B3GALT1: variants seen among roughly 807,000 people sequenced by gnomAD.
The protein encoded by B3GALT1 is UDP-Gal:betaGlcNAc beta 1,3-galactosyltransferase, polypeptide 1.
A neutral mutation model predicts 23.2 loss-of-function variants in B3GALT1; 10 were observed. That is an observed-to-expected ratio of 0.43 (90% CI 0.27 to 0.73). The LOEUF is 0.73. Among genes scored for constraint, B3GALT1 ranks in the 30% least tolerant of loss-of-function variants. B3GALT1 has a pLI of 0.21. For missense variants in B3GALT1, 299 were observed against 405.4 expected (o/e 0.74, Z 2.25); for synonymous variants, 156 against 141.5 (o/e 1.10, Z -0.73).
At chr2:167,818,160 G>A (rs1689034582) in intron 3 of B3GALT1, among the ~76,000 whole-genome samples, 1 of 152,170 alleles carries the variant, frequency 6.6e-6, no homozygotes. Flanking sequence ...TCTGACCTGT[G>A]CAGTTTTGTT....
At chr2:167,462,270 G>A (rs1406464272) in intron 1 of B3GALT1, among the ~76,000 whole-genome samples, 1 of 152,030 alleles carries the variant, frequency 6.6e-6, no homozygotes, top group East Asian at 1.9e-4. Flanking sequence ...TGTCTTACAA[G>A]CTTCCTGAGA....
At chr2:167,707,311 A>T (rs970678384) in intron 3 of B3GALT1, among the ~76,000 whole-genome samples, 2 of 152,126 alleles carry the variant, frequency 1.3e-5, no homozygotes, top group Admixed American at 6.5e-5. Flanking sequence ...GGGGTGGTTT[A>T]TTATGTAGCA....
chr2:167,676,516 TACACACACAC>T lies in B3GALT1; in HGVS notation c.-352+29580_-352+29589del, dbSNP rs34764364. ...ACACATGCACACACGTGTATGTTTA[TACACACACAC>T]ACACACACACACACACACACACACA... is the stretch of plus-strand genomic sequence containing the variant. On this transcript the variant is annotated intron_variant, in intron 3 of 4. Coordinates refer to ENST00000392690, the MANE Select transcript of B3GALT1 (RefSeq NM_020981.4). Among the ~76,000 whole-genome samples, 326 of 145,184 alleles carry T rather than the reference TACACACACAC, an allele frequency of 2.2e-3. 3 individuals carry two copies. Among genetic ancestry groups the T allele is most frequent in the East Asian group, 0.014 (69 of 4,884 alleles).
intron 2 of B3GALT1, among the ~76,000 whole-genome samples, chr2:167,587,398 A>G (rs1294888034): frequency 6.6e-6 from 1 of 152,240 alleles, no homozygotes; most frequent in African/African-American, 2.4e-5. Flanking sequence ...TAACTTATTT[A>G]GTCCTTGTAA....
At chr2:167,786,267 G>GT (rs759646709) in intron 3 of B3GALT1, among the ~76,000 whole-genome samples, 15 of 152,216 alleles carry the variant, frequency 9.9e-5, no homozygotes, top group Non-Finnish European at 1.8e-4. Context: ...AACCTCGCCT[G>GT]TTACACAGGA....
intron 3 of B3GALT1, among the ~76,000 whole-genome samples, chr2:167,671,994 T>C (rs1686338105): frequency 1.3e-5 from 2 of 152,114 alleles, no homozygotes; most frequent in Non-Finnish European, 2.9e-5. Context: ...CTGTGAACCA[T>C]CATACACCAA....
At chr2:167,607,623 G>T (rs555416545) in intron 2 of B3GALT1, among the ~76,000 whole-genome samples, 29 of 152,296 alleles carry the variant, frequency 1.9e-4, no homozygotes, top group African/African-American at 6.7e-4. Flanking sequence ...TAAAGCACTT[G>T]TTAAGCATGA....
At chr2:167,572,027 A>G (rs2105400707) in intron 2 of B3GALT1, among the ~76,000 whole-genome samples, 1 of 152,016 alleles carries the variant, frequency 6.6e-6, no homozygotes. Flanking sequence ...TGTCTCTTAT[A>G]TTGATGCAAT....
chr2:167,851,457 T>C (rs555852757), intron 4 of B3GALT1, among the ~76,000 whole-genome samples: 1 of 152,314 alleles, frequency 6.6e-6, no homozygotes, highest in South Asian at 2.1e-4. Flanking sequence ...CAAGAAGCTG[T>C]GAGTAAAAAC....
At chr2:167,608,024 T>A (rs1684996068) in intron 2 of B3GALT1, among the ~76,000 whole-genome samples, 1 of 152,196 alleles carries the variant, frequency 6.6e-6, no homozygotes, top group African/African-American at 2.4e-5. Flanking sequence ...TGGCTACCTC[T>A]AGTGCAGACG....
At chr2:167,480,028 C>T (rs1301504876) in intron 1 of B3GALT1, among the ~76,000 whole-genome samples, 2 of 151,966 alleles carry the variant, frequency 1.3e-5, no homozygotes, top group Admixed American at 6.6e-5. Context: ...AGTCAGTTGC[C>T]GGAATGTGAA....
Position 167,698,480 on chromosome 2 carries a change from C to A in B3GALT1, c.-352+51514C>A, listed in dbSNP as rs116078093. 2.6e-4 allele frequency among the ~76,000 whole-genome samples: 39 copies of A among 152,168 alleles called. 1 individual carries two copies. The highest frequency in any genetic ancestry group is 8.9e-4 in the African/African-American group (37 of 41,502). ...AAGTCCCTCACTTTACAAATGATCA[C>A]GGCAATTCAAAGTTAAGGTATCTAC... On this transcript the variant is annotated intron_variant, in intron 3 of 4. Coordinates refer to ENST00000392690, the MANE Select transcript of B3GALT1 (RefSeq NM_020981.4).
At chr2:167,498,211 C>T (rs1390118596) in intron 2 of B3GALT1, among the ~76,000 whole-genome samples, 1 of 152,132 alleles carries the variant, frequency 6.6e-6, no homozygotes, top group Non-Finnish European at 1.5e-5. Flanking sequence ...TTTGTCAGGT[C>T]ATCACCAAAG....
chr2:167,860,366 T>G (rs1690074212), intron 4 of B3GALT1, among the ~76,000 whole-genome samples: 1 of 152,180 alleles, frequency 6.6e-6, no homozygotes, highest in Admixed American at 6.6e-5. Context: ...TAACCCTTTC[T>G]CTCTGTCTCT....
intron 3 of B3GALT1, among the ~76,000 whole-genome samples, chr2:167,725,110 G>T (rs905989401): frequency 1.3e-5 from 2 of 152,154 alleles, no homozygotes; most frequent in Non-Finnish European, 2.9e-5. Flanking sequence ...GGGCATTTTA[G>T]CCCACAGCTC....
At chr2:167,832,522 A>G (rs1014603808) in intron 4 of B3GALT1, among the ~76,000 whole-genome samples, 1 of 152,180 alleles carries the variant, frequency 6.6e-6, no homozygotes, top group Non-Finnish European at 1.5e-5. Context: ...ACCACCATAT[A>G]CTTAAAAATA....
chr2:167,708,329 G>A (rs566563148), intron 3 of B3GALT1, among the ~76,000 whole-genome samples: 8 of 152,264 alleles, frequency 5.3e-5, no homozygotes, highest in South Asian at 2.1e-4. Context: ...CCAGCCACCC[G>A]GCATGGTTCA....
rs759822485 is a variant in B3GALT1 at position 167,688,448 on chromosome 2, C to G, written c.-352+41482C>G. 9.9e-5 allele frequency among the ~76,000 whole-genome samples: 15 copies of G among 151,786 alleles called. No homozygotes were observed. In the South Asian group the frequency reaches 1.9e-3, roughly 19 times the overall value. The stretch of plus-strand genomic sequence containing the variant: ...CTTGGCAAAAAATTAAAAGTCTCAT[C>G]AAAAAATATAAAATATGAAGAAGGA... On this transcript the variant is annotated intron_variant, in intron 3 of 4. Coordinates refer to ENST00000392690, the MANE Select transcript of B3GALT1 (RefSeq NM_020981.4).
intron 2 of B3GALT1, among the ~76,000 whole-genome samples, chr2:167,644,734 C>CTT (rs1558935238): frequency 4.3e-5 from 6 of 138,438 alleles, no homozygotes; most frequent in African/African-American, 1.7e-4. Flanking sequence ...GAGCCAAGAT[C>CTT]GCACCACTGC....
Sources: allele counts gnomAD v4.1 joint callset (sites outside exome capture counted in the v4.1 genomes callset), GRCh38; gene constraint gnomAD v4.1.1; transcripts MANE v1.5; gene names NCBI Gene and HGNC (gene_info 2026-07-23, HGNC 2026-07-21).